CYP20A1: variants seen among roughly 807,000 people sequenced by gnomAD.
CYP20A1 encodes cytochrome P450 20A1.
Under a neutral mutation model 61.4 loss-of-function variants are expected in CYP20A1, and 61 were observed. That is an observed-to-expected ratio of 0.99 (90% confidence interval 0.81 to 1.23). The LOEUF (loss-of-function observed/expected upper bound fraction) is 1.23, where lower values mean the gene tolerates loss of function less well. Among genes scored for constraint, CYP20A1 ranks in the 50% most tolerant of loss-of-function variants. The pLI is 0.00. For missense variants in CYP20A1, 530 were observed against 542.4 expected (o/e 0.98, Z 0.23); for synonymous variants, 193 against 188.2 (o/e 1.03, Z -0.21).
intron 11 of CYP20A1, 50 bp from the exon 12 acceptor site, chr2:203,296,424 T>G (rs1438271758): frequency 6.1e-6 from 7 of 1,146,216 alleles, no homozygotes; most frequent in East Asian, 2.4e-5. Context: ...TGTCAACATG[T>G]AAGATGCCAG....
intron 8 of CYP20A1, among the ~76,000 whole-genome samples, chr2:203,284,470 T>G (rs2068181399): frequency 1.3e-5 from 2 of 152,288 alleles, no homozygotes; most frequent in Admixed American, 6.5e-5. Flanking sequence ...ACATGTAATT[T>G]CTTTACATTT....
At chr2:203,278,195 G>C (rs2067901110) in intron 6 of CYP20A1, among the ~76,000 whole-genome samples, 1 of 152,090 alleles carries the variant, frequency 6.6e-6, no homozygotes, top group South Asian at 2.1e-4. Context: ...AATCACCTGA[G>C]CCTGGGAAGT....
At chr2:203,276,690 T>C (rs77350708) in intron 6 of CYP20A1, among the ~76,000 whole-genome samples, 14 of 152,130 alleles carry the variant, frequency 9.2e-5, no homozygotes, top group African/African-American at 3.4e-4. Flanking sequence ...GATCCAGGAT[T>C]TGGGGGAAAG....
At chr2:203,249,357 A>G (rs955293309) in intron 3 of CYP20A1, among the ~76,000 whole-genome samples, 33 of 152,300 alleles carry the variant, frequency 2.2e-4, no homozygotes, top group Admixed American at 6.5e-4. Flanking sequence ...TAAATTAAAA[A>G]CAAAGTCAAA....
intron 8 of CYP20A1, among the ~76,000 whole-genome samples, chr2:203,284,914 T>G (rs1194654004): frequency 6.6e-6 from 1 of 151,654 alleles, no homozygotes; most frequent in East Asian, 1.9e-4. Flanking sequence ...CCCAGCTGAT[T>G]TTTGAGTTTT....
Position 203,300,883 on chromosome 2 carries a change from CCG to C in CYP20A1, c.*3976_*3977del. 7.8e-6 allele frequency among the ~76,000 whole-genome samples: 1 copy of C among 129,002 alleles called. No homozygotes were observed. Among genetic ancestry groups the C allele is most frequent in the East Asian group, 2.4e-4 (1 of 4,240 alleles). The allele number at this position is 129,002 out of a possible 152,430, so 84.6% of individuals were successfully genotyped here. Reference sequence around the variant, plus strand: ...CAGCCTGGGCAATAAGAGCAAAACTCCGTCTCAGAAAAAAAAAAAAAAAAAAA... The same window carrying C: ...CAGCCTGGGCAATAAGAGCAAAACTCTCTCAGAAAAAAAAAAAAAAAAAAA... On this transcript the variant is annotated 3_prime_UTR_variant, in exon 13 of 13. Transcript: ENST00000356079.
chr2:203,292,384 C>T (rs568965674), intron 11 of CYP20A1, 58 bp downstream of exon 11: 4 of 1,241,860 alleles, frequency 3.2e-6, no homozygotes, highest in Admixed American at 3.5e-5. Context: ...GCACGTTTTG[C>T]ATTCCTTTCC....
At chr2:203,256,503 G>A (rs2066898564) in intron 4 of CYP20A1, among the ~76,000 whole-genome samples, 2 of 152,064 alleles carry the variant, frequency 1.3e-5, no homozygotes, top group Non-Finnish European at 1.5e-5. Context: ...GGCATTACAG[G>A]TGCATGCCAC....
In CYP20A1 at chr2:203,276,789, A is replaced by C. The variant is rs111891221; in HGVS notation, c.680-1784A>C. On this transcript the variant is annotated intron_variant, in intron 6 of 12. Coordinates refer to ENST00000356079, the MANE Select transcript of CYP20A1 (RefSeq NM_177538.3). ...AGTTAGATACATGAGTCTGGAGCTG[A>C]AGAGAAAGAAGTCCTGACTAGAAAT... 7.4e-4 allele frequency among the ~76,000 whole-genome samples: 112 copies of C among 152,286 alleles called. 2 individuals are homozygous for C. Among genetic ancestry groups the C allele is most frequent in the Middle Eastern group, 3.4e-3 (1 of 294 alleles).
intron 4 of CYP20A1, among the ~76,000 whole-genome samples, chr2:203,252,447 T>G (rs1309756521): frequency 6.6e-6 from 1 of 151,968 alleles, no homozygotes; most frequent in East Asian, 1.9e-4. Flanking sequence ...CAGGCTGGAG[T>G]ACAGTGGTGT....
rs1260655706 is a variant in CYP20A1 at position 203,305,281 on chromosome 2, A to C, written c.*8373A>C. Among the ~76,000 whole-genome samples, 2 of 137,520 alleles carry C rather than the reference A, an allele frequency of 1.5e-5. No individual in the cohort carries two copies. Among genetic ancestry groups the C allele is most frequent in the African/African-American group, 5.5e-5 (2 of 36,350 alleles). 90.2% of individuals were successfully genotyped at this position (137,520 alleles called of 152,430 possible). On this transcript the variant is annotated 3_prime_UTR_variant, in exon 13 of 13. Transcript: ENST00000356079. Reference sequence around the variant, plus strand: ...AGTGGTGCAATCTCAGCTCACTGCAACCTCCCCCTCTCAGGTTCAAGTAAT... The same window carrying C: ...AGTGGTGCAATCTCAGCTCACTGCACCCTCCCCCTCTCAGGTTCAAGTAAT...
chr2:203,239,188 C>G, intron 1 of CYP20A1, 54 bp downstream of exon 1: 1 of 1,488,376 alleles, frequency 6.7e-7, no homozygotes. Flanking sequence ...GTCTCTCTGT[C>G]GCCGGCATCC....
chr2:203,266,726 C>G, intron 5 of CYP20A1, 45 bp downstream of exon 5: 2 of 1,529,940 alleles, frequency 1.3e-6, no homozygotes, highest in Non-Finnish European at 1.8e-6. Context: ...AGGCTGGGCA[C>G]GGCAGCTCAC....
intron 3 of CYP20A1, among the ~76,000 whole-genome samples, chr2:203,248,256 G>A (rs887858152): frequency 2.6e-5 from 4 of 152,028 alleles, no homozygotes; most frequent in South Asian, 2.1e-4. Flanking sequence ...TCTCCTGGCC[G>A]GGCGTGATGG....
chr2:203,283,500 G>A (rs1575251037), intron 8 of CYP20A1, among the ~76,000 whole-genome samples: 1 of 150,042 alleles, frequency 6.7e-6, no homozygotes, highest in African/African-American at 2.4e-5. Flanking sequence ...ACAGGCGTGA[G>A]CCACCACACC....
At chr2:203,285,548 C>T in intron 8 of CYP20A1, 64 bp from the exon 9 acceptor site, 1 of 1,415,744 alleles carries the variant, frequency 7.1e-7, no homozygotes, top group Non-Finnish European at 9.2e-7. Flanking sequence ...TAGTTTTTTT[C>T]TTATTCTATA....
intron 6 of CYP20A1, among the ~76,000 whole-genome samples, 181 bp downstream of exon 6, chr2:203,272,929 C>A (rs918200683): frequency 2.6e-5 from 4 of 151,704 alleles, no homozygotes; most frequent in African/African-American, 9.7e-5. Context: ...CCACAGCAAC[C>A]TCCGCCTCCC....
intron 11 of CYP20A1, among the ~76,000 whole-genome samples, chr2:203,292,949 G>C (rs1459861380): frequency 6.6e-6 from 1 of 151,982 alleles, no homozygotes; most frequent in African/African-American, 2.4e-5. Context: ...GCTGAGGCGG[G>C]CGGATCACAA....
intron 4 of CYP20A1, among the ~76,000 whole-genome samples, chr2:203,262,620 A>G (rs1422529424): frequency 6.6e-6 from 1 of 151,972 alleles, no homozygotes. Flanking sequence ...CTCCCAATAT[A>G]TGAATTTAAG....
Sources: allele counts gnomAD v4.1 joint callset (sites outside exome capture counted in the v4.1 genomes callset), GRCh38; gene constraint gnomAD v4.1.1; transcripts MANE v1.5; gene names NCBI Gene and HGNC (gene_info 2026-07-23, HGNC 2026-07-21).